MED12L: variants seen among roughly 807,000 people sequenced by gnomAD.
The protein encoded by MED12L is mediator of RNA polymerase II transcription subunit 12-like protein.
In MED12L, 60 loss-of-function variants were observed where a neutral mutation model predicts 281.3. The ratio of observed to expected loss-of-function variants is 0.21; its 90% CI spans 0.17 to 0.26. MED12L has a LOEUF of 0.26. Among genes scored for constraint, MED12L ranks in the 10% least tolerant of loss-of-function variants. MED12L has a pLI of 1.00. For synonymous variants in MED12L, 974 were observed against 987.2 expected, an observed-to-expected ratio of 0.99 and a Z score of 0.25; for missense variants, 2,146 against 2,680.9, an observed-to-expected ratio of 0.80 and a Z score of 4.41.
intron 11 of MED12L, among the ~76,000 whole-genome samples, chr3:151,166,664 C>G (rs1370012886): frequency 6.6e-6 from 1 of 151,292 alleles, no homozygotes; most frequent in African/African-American, 2.4e-5. Context: ...CTTTCTTCCT[C>G]TGGGGACCTC....
chr3:151,152,537 T>C (rs1325434865), intron 5 of MED12L, among the ~76,000 whole-genome samples: 1 of 152,112 alleles, frequency 6.6e-6, no homozygotes, highest in Non-Finnish European at 1.5e-5. Flanking sequence ...TGACAGCAGG[T>C]GCTGTCTATT....
chr3:151,216,422 T>C (rs1728230730), intron 16 of MED12L, among the ~76,000 whole-genome samples: 1 of 152,224 alleles, frequency 6.6e-6, no homozygotes, highest in Admixed American at 6.5e-5. Flanking sequence ...TTTTGAAATA[T>C]GGAATATGAA....
intron 16 of MED12L, among the ~76,000 whole-genome samples, chr3:151,271,059 T>C (rs572102258): frequency 4.3e-4 from 65 of 152,288 alleles, no homozygotes; most frequent in African/African-American, 1.5e-3. Flanking sequence ...TCATTTTTTT[T>C]GTAGACACCA....
chr3:151,166,279 G>A (rs1720702007), intron 11 of MED12L, among the ~76,000 whole-genome samples: 1 of 152,052 alleles, frequency 6.6e-6, no homozygotes, highest in Non-Finnish European at 1.5e-5. Context: ...TTAGTGATTG[G>A]ACTTAATATG....
At chr3:151,230,681 C>G (rs1186132041) in intron 16 of MED12L, among the ~76,000 whole-genome samples, 2 of 151,752 alleles carry the variant, frequency 1.3e-5, no homozygotes, top group South Asian at 2.1e-4. Context: ...AGGGCTACTT[C>G]CCTTCAAACT....
At chr3:151,198,740 G>A (rs1725056199) in intron 16 of MED12L, 2 of 1,612,908 alleles carry the variant, frequency 1.2e-6, no homozygotes, top group African/African-American at 1.3e-5. Flanking sequence ...TTTCACATTT[G>A]GGTAATTTTC....
chr3:151,090,533 A>G (rs1719891129), intron 2 of MED12L, among the ~76,000 whole-genome samples: 1 of 152,208 alleles, frequency 6.6e-6, no homozygotes, highest in African/African-American at 2.4e-5. Context: ...AGTTCCTAGA[A>G]GGCTGAGGGC....
chr3:151,328,547 A>C (rs1397410740), intron 16 of MED12L: 2 of 1,613,836 alleles, frequency 1.2e-6, no homozygotes, highest in African/African-American at 2.7e-5. Flanking sequence ...GAAGAACAAA[A>C]AGAACCAGAT....
intron 39 of MED12L, among the ~76,000 whole-genome samples, chr3:151,406,977 T>C (rs1007897464): frequency 6.6e-6 from 1 of 152,132 alleles, no homozygotes; most frequent in Non-Finnish European, 1.5e-5. Context: ...TTTTTTGTAT[T>C]TTTTGTAGAG....
chr3:151,150,215 T>G (rs1718271930), intron 5 of MED12L, among the ~76,000 whole-genome samples: 1 of 152,222 alleles, frequency 6.6e-6, no homozygotes, highest in South Asian at 2.1e-4. Context: ...TATTTGAAAG[T>G]CAAAATTACT....
intron 1 of MED12L, 121 bp from the exon 2 acceptor site, chr3:151,086,677 C>T (rs2148584272): frequency 2.8e-6 from 1 of 361,228 alleles, no homozygotes; most frequent in Admixed American, 4.5e-5. Context: ...CCGCCGCCAC[C>T]GGAGCGGTGC....
At chr3:151,189,674 AG>A (rs1389140182) in intron 13 of MED12L, among the ~76,000 whole-genome samples, 6 of 152,208 alleles carry the variant, frequency 3.9e-5, no homozygotes, top group African/African-American at 1.4e-4. Flanking sequence ...TTCAAGGTTT[AG>A]GGAACTGAGC....
At chr3:151,251,067 T>C (rs1295265019) in intron 16 of MED12L, among the ~76,000 whole-genome samples, 1 of 152,234 alleles carries the variant, frequency 6.6e-6, no homozygotes, top group African/African-American at 2.4e-5. Context: ...TCTGACACTG[T>C]TCCCTCCATG....
chr3:151,171,741 C>A (rs765024381), intron 11 of MED12L, among the ~76,000 whole-genome samples: 1 of 152,206 alleles, frequency 6.6e-6, no homozygotes, highest in Non-Finnish European at 1.5e-5. Context: ...CAGAGTGTCC[C>A]AGGCCCAGCC....
chr3:151,223,710 A>C (rs941702845), intron 16 of MED12L, among the ~76,000 whole-genome samples: 1 of 152,220 alleles, frequency 6.6e-6, no homozygotes, highest in African/African-American at 2.4e-5. Flanking sequence ...GAAGCGGGGA[A>C]ATGGTGGAAA....
At chr3:151,386,809 C>T (rs1713456974) in intron 36 of MED12L, among the ~76,000 whole-genome samples, 3 of 151,950 alleles carry the variant, frequency 2.0e-5, no homozygotes, top group South Asian at 2.1e-4. Context: ...CTCCTGACCT[C>T]GTGATCCACC....
chr3:151,098,613 G>A (rs778248717), intron 2 of MED12L, among the ~76,000 whole-genome samples: 15 of 152,060 alleles, frequency 9.9e-5, no homozygotes, highest in Non-Finnish European at 1.5e-5. Context: ...GTCTTCCTCT[G>A]GGTGTCTCTT....
chr3:151,270,433 C>T (rs1051151541), intron 16 of MED12L, among the ~76,000 whole-genome samples: 2 of 152,060 alleles, frequency 1.3e-5, no homozygotes, highest in African/African-American at 2.4e-5. Flanking sequence ...CCACTGAACT[C>T]TCTGGGGAAA....
intron 5 of MED12L, among the ~76,000 whole-genome samples, chr3:151,130,666 C>T (rs538638564): frequency 1.4e-4 from 22 of 152,314 alleles, no homozygotes; most frequent in South Asian, 1.2e-3. Flanking sequence ...CCTGTGGGCG[C>T]GGCTCTTCCT....
Sources: gnomAD v4.1 joint callset for allele counts (sites outside exome capture counted in the v4.1 genomes callset) on GRCh38, gnomAD v4.1.1 for gene constraint, MANE v1.5 for transcripts, NCBI Gene and HGNC (gene_info 2026-07-23, HGNC 2026-07-21) for gene names.